The following PLCG2 variants were observed in gnomAD, a reference collection of about 807,000 sequenced individuals.
PLCG2 encodes the protein 1-phosphatidylinositol 4,5-bisphosphate phosphodiesterase gamma-2.
Under a neutral mutation model 175.6 loss-of-function variants are expected in PLCG2, and 69 were observed. That is an observed-to-expected ratio of 0.39 (90% CI 0.32 to 0.48). PLCG2 has a LOEUF of 0.48. Ranked by LOEUF, PLCG2 falls within the 20% of genes least tolerant of loss-of-function variation. PLCG2 has a pLI of 0.91. For missense variants in PLCG2, 1,798 were observed against 1,650.9 expected (o/e 1.09, Z -1.54); for synonymous variants, 827 against 624.0 (o/e 1.33, Z -4.85).
In PLCG2 at chr16:81,835,354, G is replaced by C. The variant is rs576529366; in HGVS notation, c.194-19090G>C. ...CTCACACCTGTAATCCCAGCACTTT[G>C]GGAGGCCAAAGCGGGCAGATCACCT... On this transcript the variant is annotated intron_variant, in intron 2 of 32. Transcript: ENST00000564138. 2.0e-4 allele frequency among the ~76,000 whole-genome samples: 30 copies of C among 152,250 alleles called. No individual in the cohort carries two copies. In the South Asian group the frequency reaches 6.2e-3, roughly 32 times the overall value.
At chr16:81,785,245 GCCGTCACC>G (rs758154608) in intron 1 of PLCG2, among the ~76,000 whole-genome samples, 63 of 152,216 alleles carry the variant, frequency 4.1e-4, no homozygotes, top group Non-Finnish European at 8.1e-4. Flanking sequence ...CTAGGTGCTG[GCCGTCACC>G]CCAGGTGCTT....
intron 5 of PLCG2, 108 bp from the exon 6 acceptor site, chr16:81,869,106 C>G (rs1331228445): frequency 1.9e-5 from 14 of 756,154 alleles, no homozygotes; most frequent in Non-Finnish European, 2.8e-5. Context: ...AACTGTTGAC[C>G]AGGCTCTCTC....
chr16:81,933,390 C>T (rs1345684520), intron 25 of PLCG2, among the ~76,000 whole-genome samples: 1 of 152,118 alleles, frequency 6.6e-6, no homozygotes, highest in African/African-American at 2.4e-5. Context: ...AGGACCTCTG[C>T]CTGTCCCTAA....
chr16:81,784,328 A>G lies in PLCG2; in HGVS notation c.-47-1615A>G, dbSNP rs992864630. Among the ~76,000 whole-genome samples the G allele has an allele frequency of 2.6e-5, 4 of 152,254 alleles. No homozygotes were observed. In the South Asian group the frequency reaches 6.2e-4, roughly 24 times the overall value. On this transcript the variant is annotated intron_variant, in intron 1 of 32. Transcript: ENST00000564138. Reference sequence around the variant, plus strand: ...GATTAATGCTAACTGAGACCCTGGTAAATGCTGCAGGCTGTGCATACATTG... The same window carrying G: ...GATTAATGCTAACTGAGACCCTGGTGAATGCTGCAGGCTGTGCATACATTG...
At chr16:81,803,526 CCTTT>C (rs1911837289) in intron 2 of PLCG2, among the ~76,000 whole-genome samples, 1 of 120,114 alleles carries the variant, frequency 8.3e-6, no homozygotes. Context: ...TTCTTTCTTT[CCTTT>C]CTTTCTTTTC....
intron 1 of PLCG2, among the ~76,000 whole-genome samples, chr16:81,744,468 A>C (rs1015682462): frequency 6.6e-6 from 1 of 152,006 alleles, no homozygotes; most frequent in African/African-American, 2.4e-5. Flanking sequence ...CAGTCCCCCA[A>C]CTTCCCTTTT....
chr16:81,765,336 A>T (rs1439594226), intron 2 of PLCG2, among the ~76,000 whole-genome samples: 2 of 152,216 alleles, frequency 1.3e-5, no homozygotes, highest in Non-Finnish European at 2.9e-5. Context: ...CTCCGGAAGA[A>T]AGCAACCATG....
intron 31 of PLCG2, 104 bp from the exon 32 acceptor site, chr16:81,956,591 T>G: frequency 1.0e-6 from 1 of 978,970 alleles, no homozygotes; most frequent in Admixed American, 2.6e-5. Flanking sequence ...TTGCAAAACT[T>G]CTGCCCCATG....
chr16:81,894,170 T>G (rs1302571017), intron 12 of PLCG2, among the ~76,000 whole-genome samples: 3 of 152,150 alleles, frequency 2.0e-5, no homozygotes, highest in African/African-American at 7.2e-5. Flanking sequence ...GGCTCATGCC[T>G]GTAATCCCAG....
intron 31 of PLCG2, among the ~76,000 whole-genome samples, chr16:81,952,522 A>G (rs953675883): frequency 7.9e-5 from 12 of 152,254 alleles, no homozygotes; most frequent in African/African-American, 2.7e-4. Flanking sequence ...CAGTAAATAA[A>G]GAAGTGCTGA....
At chr16:81,909,466 G>A (rs1037258746) in intron 17 of PLCG2, among the ~76,000 whole-genome samples, 3 of 152,218 alleles carry the variant, frequency 2.0e-5, no homozygotes, top group Admixed American at 6.5e-5. Context: ...TGCCTAGGCT[G>A]TAGTACAATG....
At chr16:81,955,216 C>A (rs1282127726) in intron 31 of PLCG2, among the ~76,000 whole-genome samples, 2 of 152,198 alleles carry the variant, frequency 1.3e-5, no homozygotes, top group African/African-American at 2.4e-5. Flanking sequence ...CCAGCTGTTA[C>A]CCTGGGGACT....
chr16:81,825,869 G>T (rs375634421), intron 2 of PLCG2, among the ~76,000 whole-genome samples: 2 of 152,190 alleles, frequency 1.3e-5, no homozygotes, highest in South Asian at 2.1e-4. Flanking sequence ...ACAGAGACAA[G>T]ATGACAAGGC....
In PLCG2 at chr16:81,870,357, C is replaced by T. The variant is rs186263089; in HGVS notation, c.565-495C>T. Among the ~76,000 whole-genome samples the T allele has an allele frequency of 9.2e-5, 14 of 152,248 alleles. 1 individual carries two copies. Among genetic ancestry groups the T allele is most frequent in the African/African-American group, 3.4e-4 (14 of 41,538 alleles). On this transcript the variant is annotated intron_variant, in intron 6 of 32. Transcript: ENST00000564138. Reference sequence around the variant, plus strand: ...AAGGAAATTGCCCAAAGCCATAAAGCAATTAATTGGAGCTGAGTTCTGTCT... The same window carrying T: ...AAGGAAATTGCCCAAAGCCATAAAGTAATTAATTGGAGCTGAGTTCTGTCT...
chr16:81,806,915 A>T (rs1360023215), intron 2 of PLCG2, among the ~76,000 whole-genome samples: 2 of 151,844 alleles, frequency 1.3e-5, no homozygotes, highest in African/African-American at 4.8e-5. Context: ...GGGTCACATG[A>T]CCCAGGGCTG....
In PLCG2 at chr16:81,956,675, C is replaced by G. The variant is rs371668993; in HGVS notation, c.3571-20C>G. 2.5e-6 allele frequency: 4 copies of G among 1,608,194 alleles called. No individual in the cohort carries two copies. The highest frequency in any genetic ancestry group is 2.5e-6 in the Non-Finnish European group (3 of 1,176,776). ...AAGGTGTAGTCACCACATGGTTGTTCTCTCCCCTGCATCCTCCAGGAGAGC... is the reference window on the plus strand; with the variant it reads ...AAGGTGTAGTCACCACATGGTTGTTGTCTCCCCTGCATCCTCCAGGAGAGC... On this transcript the variant is annotated intron_variant, in intron 31 of 32. Transcript: ENST00000564138.
At chr16:81,746,457 T>TG in intron 1 of PLCG2, among the ~76,000 whole-genome samples, 1 of 152,184 alleles carries the variant, frequency 6.6e-6, no homozygotes. Flanking sequence ...CCCACAGTGG[T>TG]GCCTTCTGGG....
At chr16:81,803,633 T>TTCCCTCCCTCCCTCCCTCCCTCCC (rs61352183) in intron 2 of PLCG2, among the ~76,000 whole-genome samples, 10 of 88,594 alleles carry the variant, frequency 1.1e-4, no homozygotes, top group South Asian at 6.5e-4. Context: ...TCTTTTCTTC[T>TTCCCTCCCTCCCTCCCTCCCTCCC]TCCCTCCCTC....
intron 26 of PLCG2, 98 bp downstream of exon 26, chr16:81,934,629 C>G (rs1273288995): frequency 6.5e-6 from 5 of 765,694 alleles, no homozygotes; most frequent in Non-Finnish European, 1.1e-5. Flanking sequence ...TGCATTCTCT[C>G]ATTCTTAACT....
Sources: allele counts gnomAD v4.1 joint callset (sites outside exome capture counted in the v4.1 genomes callset), GRCh38; gene constraint gnomAD v4.1.1; transcripts MANE v1.5; gene names NCBI Gene and HGNC (gene_info 2026-07-23, HGNC 2026-07-21).